The following WWOX variants were observed in gnomAD, a reference collection of about 807,000 sequenced individuals.
The protein encoded by WWOX is WW domain-containing oxidoreductase.
Under a neutral mutation model 46.2 loss-of-function variants are expected in WWOX, and 69 were observed. That is an observed-to-expected ratio of 1.49 (90% CI 1.23 to 1.82). The LOEUF is 1.82. Ranked by LOEUF, WWOX falls within the 40% of genes most tolerant of loss-of-function variation. WWOX has a pLI of 0.00. For missense variants in WWOX, 919 were observed against 542.6 expected (o/e 1.69, Z -6.89); for synonymous variants, 359 against 202.6 (o/e 1.77, Z -6.56).
chr16:79,203,871 G>C (rs2051423277), intron 8 of WWOX: 1 of 152,148 alleles, frequency 6.6e-6, no homozygotes, highest in Admixed American at 6.5e-5. Context: ...ACACGAGCTA[G>C]CTATAACCAT....
chr16:78,682,617 C>T (rs931022859), intron 8 of WWOX, among the ~76,000 whole-genome samples: 24 of 152,026 alleles, frequency 1.6e-4, no homozygotes, highest in African/African-American at 4.8e-4. Context: ...GGTGGTTCAC[C>T]CCTGTAATCC....
chr16:79,059,659 T>C (rs1019099056), intron 8 of WWOX, among the ~76,000 whole-genome samples: 2 of 152,178 alleles, frequency 1.3e-5, no homozygotes, highest in African/African-American at 4.8e-5. Flanking sequence ...CATGCCCGGC[T>C]AATTTTTTGT....
At chr16:79,202,624 T>C (rs2051380439) in intron 8 of WWOX, 2 of 152,216 alleles carry the variant, frequency 1.3e-5, no homozygotes, top group Non-Finnish European at 2.9e-5. Flanking sequence ...CACAACAGTC[T>C]AGGAAGAAAT....
chr16:78,301,763 G>C, intron 5 of WWOX, among the ~76,000 whole-genome samples: 1 of 152,106 alleles, frequency 6.6e-6, no homozygotes, highest in East Asian at 1.9e-4. Context: ...TTCAACTACA[G>C]CACAGATGCA....
At chr16:78,459,523 T>C (rs547395327) in intron 8 of WWOX, among the ~76,000 whole-genome samples, 1 of 152,340 alleles carries the variant, frequency 6.6e-6, no homozygotes, top group African/African-American at 2.4e-5. Flanking sequence ...TTGCTTCATG[T>C]TTTCCTTAAA....
intron 8 of WWOX, among the ~76,000 whole-genome samples, chr16:79,120,767 T>C (rs1293054076): frequency 6.6e-6 from 1 of 152,116 alleles, no homozygotes; most frequent in Admixed American, 6.5e-5. Flanking sequence ...TGCGTTTATT[T>C]TTTGTTGTTG....
intron 5 of WWOX, among the ~76,000 whole-genome samples, chr16:78,244,036 G>A (rs772484135): frequency 7.2e-5 from 11 of 152,178 alleles, no homozygotes; most frequent in African/African-American, 1.7e-4. Flanking sequence ...CCTTCACTGC[G>A]GCTTAGCCTG....
chr16:78,535,881 C>A (rs965018951), intron 8 of WWOX, among the ~76,000 whole-genome samples: 5 of 152,256 alleles, frequency 3.3e-5, no homozygotes, highest in African/African-American at 9.6e-5. Context: ...TTCTTGGACT[C>A]ATTTTCCTCG....
At chr16:78,750,753 T>G (rs533946635) in intron 8 of WWOX, among the ~76,000 whole-genome samples, 2 of 152,216 alleles carry the variant, frequency 1.3e-5, no homozygotes, top group Non-Finnish European at 2.9e-5. Context: ...TATTTGGTTT[T>G]CTGTTTCTGC....
chr16:78,990,795 G>C (rs1363214425), intron 8 of WWOX, among the ~76,000 whole-genome samples: 1 of 152,190 alleles, frequency 6.6e-6, no homozygotes. Context: ...TCCCTCTGCT[G>C]TCTTAATCAA....
At chr16:78,374,240 G>C (rs1181317520) in intron 5 of WWOX, among the ~76,000 whole-genome samples, 1 of 151,862 alleles carries the variant, frequency 6.6e-6, no homozygotes, top group Non-Finnish European at 1.5e-5. Context: ...TGTTAGTCTT[G>C]AAAGTCTTAC....
chr16:78,731,267 G>C (rs1163765671), intron 8 of WWOX, among the ~76,000 whole-genome samples: 1 of 152,124 alleles, frequency 6.6e-6, no homozygotes, highest in African/African-American at 2.4e-5. Context: ...GGTTAGACCC[G>C]AGGTAAGAAT....
In WWOX at chr16:78,730,379, G is replaced by A. The variant is rs1322666243; in HGVS notation, c.1056+297627G>A. Among the ~76,000 whole-genome samples, 10 of 151,824 alleles carry A rather than the reference G, an allele frequency of 6.6e-5. No individual in the cohort carries two copies. The East Asian group carries it at 1.9e-3, about 29-fold the overall frequency. ...TATCATATAAGCCACGTGCTGGGAT[G>A]TACCAGGCACACTAGCTCTATAGGT... On this transcript the variant is annotated intron_variant, in intron 8 of 8. Transcript: ENST00000566780.
At chr16:78,671,150 C>T (rs1234845944) in intron 8 of WWOX, among the ~76,000 whole-genome samples, 1 of 152,196 alleles carries the variant, frequency 6.6e-6, no homozygotes, top group African/African-American at 2.4e-5. Context: ...GGGCCAGGTA[C>T]AGTGGCTCAT....
chr16:79,043,415 T>C (rs550027867), intron 8 of WWOX, among the ~76,000 whole-genome samples: 36 of 152,212 alleles, frequency 2.4e-4, no homozygotes, highest in African/African-American at 7.7e-4. Context: ...AAGACCAACA[T>C]TGAGGATGAG....
intron 8 of WWOX, among the ~76,000 whole-genome samples, chr16:78,971,448 C>CA (rs71140852): frequency 0.06 from 6,726 of 111,208 alleles, 395 homozygotes; most frequent in East Asian, 0.098. Flanking sequence ...GACTCTGTGT[C>CA]AAAAAAAAAA....
chr16:78,630,362 C>T (rs1321219267), intron 8 of WWOX, among the ~76,000 whole-genome samples: 1 of 152,136 alleles, frequency 6.6e-6, no homozygotes, highest in African/African-American at 2.4e-5. Context: ...AAAGATGGCT[C>T]ACTCTGTCTA....
chr16:78,937,270 A>G (rs370270365), intron 8 of WWOX, among the ~76,000 whole-genome samples: 48 of 152,226 alleles, frequency 3.2e-4, no homozygotes, highest in African/African-American at 1.1e-3. Context: ...CAAATAATAC[A>G]AGCAACTGTT....
rs148695832 is a variant in WWOX at position 78,484,628 on chromosome 16, T to C, written c.1056+51876T>C. Among the ~76,000 whole-genome samples the C allele has an allele frequency of 4.6e-5, 7 of 152,294 alleles. No homozygotes were observed. In the East Asian group the frequency reaches 1.4e-3, roughly 29 times the overall value. On this transcript the variant is annotated intron_variant, in intron 8 of 8. Transcript: ENST00000566780. ...ATTATCAAGGTGGCAAACGGTAGTA[T>C]TTGTGTGTAGAAGTTGAGTGGATGT...
Sources: allele counts gnomAD v4.1 joint callset (sites outside exome capture counted in the v4.1 genomes callset), GRCh38; gene constraint gnomAD v4.1.1; transcripts MANE v1.5; gene names NCBI Gene and HGNC (gene_info 2026-07-23, HGNC 2026-07-21).